FAM120B: variants seen among roughly 807,000 people sequenced by gnomAD.
FAM120B encodes the protein constitutive coactivator of peroxisome proliferator-activated receptor gamma.
In FAM120B, 83 loss-of-function variants were observed where a neutral mutation model predicts 96.3. The observed-to-expected ratio is 0.86, with a 90% CI of 0.72 to 1.03. FAM120B has a LOEUF of 1.03. Among genes scored for constraint, FAM120B ranks in the 50% least tolerant of loss-of-function variants. The probability of loss-of-function intolerance (pLI) is 0.00; values close to 1 mark genes in which losing one functional copy is unlikely to be tolerated. For synonymous variants in FAM120B, 407 were observed against 402.7 expected (o/e 1.01, Z -0.13); for missense variants, 1,027 against 1,121.2 (o/e 0.92, Z 1.20).
chr6:170,369,111 A>G (rs939575796), intron 6 of FAM120B, among the ~76,000 whole-genome samples: 1 of 152,260 alleles, frequency 6.6e-6, no homozygotes, highest in African/African-American at 2.4e-5. Flanking sequence ...ATGACTGATG[A>G]GTCCCTCAGC....
chr6:170,361,182 CTATATATATATACGTGTATATATATATA>C (rs1227773845), intron 6 of FAM120B, among the ~76,000 whole-genome samples: 2 of 75,520 alleles, frequency 2.6e-5, no homozygotes, highest in Admixed American at 1.7e-4. Flanking sequence ...AGCCTTAAAA[CTATATATATATACGTGTATATATATATA>C]TATATATATA....
intron 2 of FAM120B, among the ~76,000 whole-genome samples, chr6:170,321,840 GAGATTA>G (rs1435759125): frequency 1.3e-5 from 2 of 152,196 alleles, no homozygotes; most frequent in Non-Finnish European, 2.9e-5. Flanking sequence ...AAGGAACAGA[GAGATTA>G]AGACTGAAGC....
At chr6:170,333,155 C>T (rs1786170453) in intron 4 of FAM120B, among the ~76,000 whole-genome samples, 1 of 146,564 alleles carries the variant, frequency 6.8e-6, no homozygotes, top group Non-Finnish European at 1.5e-5. Context: ...TGTACCCCCA[C>T]CCCACCGCCC....
intron 3 of FAM120B, among the ~76,000 whole-genome samples, chr6:170,329,542 A>G (rs951766466): frequency 6.6e-6 from 1 of 151,436 alleles, no homozygotes; most frequent in South Asian, 2.1e-4. Context: ...GGTGCTGATA[A>G]TGCCAGCTGC....
At chr6:170,324,726 T>A (rs1785489814) in intron 3 of FAM120B, among the ~76,000 whole-genome samples, 1 of 152,212 alleles carries the variant, frequency 6.6e-6, no homozygotes, top group Non-Finnish European at 1.5e-5. Context: ...TCATGGTTGA[T>A]CTTTAGTTTC....
At chr6:170,354,768 G>GA (rs59093113) in intron 5 of FAM120B, among the ~76,000 whole-genome samples, 22 of 146,972 alleles carry the variant, frequency 1.5e-4, no homozygotes, top group South Asian at 2.1e-4. Flanking sequence ...CAAAAAAAAA[G>GA]AAAAAAAAAA....
chr6:170,318,560 C>G lies in FAM120B; in HGVS notation c.1170C>G (p.Pro390=), dbSNP rs1251726583. The G allele has an allele frequency of 1.4e-6, 2 of 1,472,370 alleles. No individual in the cohort carries two copies. Among genetic ancestry groups the G allele is most frequent in the Non-Finnish European group, 1.8e-6 (2 of 1,092,848 alleles). The allele number at this position is 1,472,370 out of a possible 1,614,324, so 91.2% of individuals were successfully genotyped here. ...CSDPEPRQEV[P]TCTGPESRRE... is the part of the protein sequence containing the mutation. ...ACCCTGAACCCAGGCAAGAAGTTCC[C>G]ACGTGTACAGGCCCTGAATCCAGGC... The change falls in exon 2 of 11, where the codon CCC becomes CCG. Residue 390 remains proline, a synonymous_variant. Transcript: ENST00000476287.
Position 170,295,863 on chromosome 6 carries a change from C to A in FAM120B, c.48+410C>A, listed in dbSNP as rs1783987780. On this transcript the variant is annotated intron_variant, in intron 1 of 10. Transcript: ENST00000537664. This position sits in a 1 kb window ranked among gnomAD's most constrained non-coding sequence, Gnocchi z 7.8. ...CTCTCGCGTGCGTGGAGCCCGGGGC[C>A]GAGGCCAGGCCCGCTGCGAGCAGCG... is the stretch of plus-strand genomic sequence containing the variant. Among the ~76,000 whole-genome samples the A allele has an allele frequency of 6.6e-6, 1 of 152,026 alleles. No individual in the cohort carries two copies.
chr6:170,334,953 T>A (rs75703697), intron 4 of FAM120B, among the ~76,000 whole-genome samples: 3,220 of 152,142 alleles, frequency 0.021, 104 homozygotes, highest in African/African-American at 0.07. Context: ...TATGAATGAA[T>A]TTTTTTGCTT....
chr6:170,304,322 G>C (rs1022173398), upstream of FAM120B, among the ~76,000 whole-genome samples: 7 of 152,156 alleles, frequency 4.6e-5, no homozygotes, highest in Admixed American at 3.3e-4. Context: ...CTTTAAATGT[G>C]ACCTTTTCAT....
chr6:170,392,489 C>T (rs935795302), intron 8 of FAM120B, among the ~76,000 whole-genome samples: 1 of 152,228 alleles, frequency 6.6e-6, no homozygotes, highest in Admixed American at 6.5e-5. Flanking sequence ...AAAAATCTAT[C>T]TCATTGATTG....
At chr6:170,375,674 G>C (rs757474002) in intron 6 of FAM120B, among the ~76,000 whole-genome samples, 1 of 152,174 alleles carries the variant, frequency 6.6e-6, no homozygotes, top group Non-Finnish European at 1.5e-5. Flanking sequence ...GTGAGGAGGG[G>C]TACAGAGAAG....
chr6:170,306,213 C>T (rs1342640383), upstream of FAM120B, among the ~76,000 whole-genome samples: 1 of 152,186 alleles, frequency 6.6e-6, no homozygotes, highest in East Asian at 1.9e-4. Flanking sequence ...CGTCCCGATA[C>T]GGAGGCGAGG....
intron 1 of FAM120B, among the ~76,000 whole-genome samples, chr6:170,312,352 G>A: frequency 6.6e-6 from 1 of 152,086 alleles, no homozygotes; most frequent in South Asian, 2.1e-4. Context: ...TTATGTCTTT[G>A]TTTTAAAATT....
In FAM120B at chr6:170,399,156, A is replaced by ACT. The variant is rs1554292955; in HGVS notation, c.2692+3578_2692+3579dup. ...GTGAGAAAGGTAGAACTATGTCATA[A>ACT]CTTAGGAGTGAGTGGGGAAGGTAGA... is the stretch of plus-strand genomic sequence containing the variant. On this transcript the variant is annotated intron_variant, in intron 9 of 10. Coordinates refer to ENST00000476287, the MANE Select transcript of FAM120B (RefSeq NM_032448.3). Among the ~76,000 whole-genome samples the ACT allele has an allele frequency of 2.1e-5, 3 of 142,914 alleles. No homozygotes were observed. In the East Asian group the frequency reaches 6.3e-4, roughly 30 times the overall value. The allele number at this position is 142,914 out of a possible 152,430, so 93.8% of individuals were successfully genotyped here.
At chr6:170,396,955 T>C (rs1028493478) in intron 9 of FAM120B, among the ~76,000 whole-genome samples, 1 of 152,244 alleles carries the variant, frequency 6.6e-6, no homozygotes, top group African/African-American at 2.4e-5. Context: ...GGTGCAGTCC[T>C]GTGTGATGCA....
chr6:170,398,611 A>C (rs1278660979), intron 9 of FAM120B, among the ~76,000 whole-genome samples: 5 of 135,444 alleles, frequency 3.7e-5, no homozygotes, highest in African/African-American at 1.5e-4. Context: ...ACTATGTCTT[A>C]ACTCTTCGGA....
At chr6:170,305,447 G>C (rs1425759869), upstream of FAM120B, among the ~76,000 whole-genome samples, 1 of 152,184 alleles carries the variant, frequency 6.6e-6, no homozygotes, top group African/African-American at 2.4e-5. Flanking sequence ...TGCATACGTG[G>C]TGCCACTTCA....
chr6:170,314,095 C>T (rs1461179083), intron 1 of FAM120B, among the ~76,000 whole-genome samples: 1 of 152,222 alleles, frequency 6.6e-6, no homozygotes, highest in African/African-American at 2.4e-5. Context: ...TTCCATTTCC[C>T]TATTTACTGG....
Sources: gnomAD v4.1 joint callset for allele counts (sites outside exome capture counted in the v4.1 genomes callset) on GRCh38, gnomAD v4.1.1 for gene constraint, Gnocchi (gnomAD v3.1) non-coding constraint, MANE v1.5 for transcripts, NCBI Gene and HGNC (gene_info 2026-07-23, HGNC 2026-07-21) for gene names.